The following SLC25A48 variants were observed in gnomAD, a reference collection of about 807,000 sequenced individuals.
SLC25A48 encodes solute carrier family 25 member 48.
In SLC25A48, 29 loss-of-function variants were observed where a neutral mutation model predicts 32.2. The ratio of observed to expected loss-of-function variants is 0.90; its 90% confidence interval spans 0.67 to 1.23. SLC25A48 has a LOEUF of 1.23. Among genes scored for constraint, SLC25A48 ranks in the 50% most tolerant of loss-of-function variants. The pLI is 0.00. For missense variants in SLC25A48, 399 were observed against 422.7 expected (o/e 0.94, Z 0.49); for synonymous variants, 164 against 172.3 (o/e 0.95, Z 0.38).
At chr5:135,701,054 T>G (rs1256022285) in intron 3 of SLC25A48, among the ~76,000 whole-genome samples, 4 of 152,202 alleles carry the variant, frequency 2.6e-5, no homozygotes, top group African/African-American at 4.8e-5. Flanking sequence ...CAGAGTGACC[T>G]GGGGACCTGC....
At chr5:135,700,937 A>C (rs1754380810) in intron 3 of SLC25A48, among the ~76,000 whole-genome samples, 1 of 152,186 alleles carries the variant, frequency 6.6e-6, no homozygotes, top group African/African-American at 2.4e-5. Flanking sequence ...TAAATCGCAG[A>C]GGGCCTGGGA....
At chr5:135,631,576 G>A (rs989787019) in intron 2 of SLC25A48, among the ~76,000 whole-genome samples, 1 of 152,198 alleles carries the variant, frequency 6.6e-6, no homozygotes, top group Non-Finnish European at 1.5e-5. Flanking sequence ...AAGCTCCAGG[G>A]TGACCCAACA....
At chr5:135,593,756 C>T (rs1340245633) in intron 1 of SLC25A48, among the ~76,000 whole-genome samples, 3 of 152,192 alleles carry the variant, frequency 2.0e-5, no homozygotes, top group African/African-American at 7.2e-5. Context: ...GAGATGTAAT[C>T]GATGGACCTT....
chr5:135,752,951 A>G (rs893986087), intron 3 of SLC25A48, among the ~76,000 whole-genome samples: 2 of 152,096 alleles, frequency 1.3e-5, no homozygotes, highest in African/African-American at 4.8e-5. Context: ...TCTCGAGGAT[A>G]TATTTTACAT....
intron 3 of SLC25A48, among the ~76,000 whole-genome samples, chr5:135,761,886 G>A (rs1260558383): frequency 6.6e-6 from 1 of 152,120 alleles, no homozygotes; most frequent in Admixed American, 6.5e-5. Context: ...CAAGGTTGAT[G>A]GGCCATTTTC....
intron 3 of SLC25A48, among the ~76,000 whole-genome samples, chr5:135,747,981 A>G (rs1755678793): frequency 1.3e-5 from 2 of 152,164 alleles, no homozygotes; most frequent in Admixed American, 6.5e-5. Context: ...GCACTTAGTA[A>G]CACATGGTCC....
At chr5:135,853,704 G>A (rs374895511) in intron 4 of SLC25A48, among the ~76,000 whole-genome samples, 2 of 152,158 alleles carry the variant, frequency 1.3e-5, no homozygotes, top group African/African-American at 4.8e-5. Flanking sequence ...TTATCTGTGA[G>A]GGTTGGGGTT....
chr5:135,753,928 G>A (rs1278764281), intron 3 of SLC25A48, among the ~76,000 whole-genome samples: 2 of 151,968 alleles, frequency 1.3e-5, no homozygotes, highest in South Asian at 2.1e-4. Flanking sequence ...GTACATGCCA[G>A]TTGTATACCC....
intron 3 of SLC25A48, among the ~76,000 whole-genome samples, chr5:135,689,432 C>T (rs1158917849): frequency 6.6e-6 from 1 of 152,190 alleles, no homozygotes; most frequent in Non-Finnish European, 1.5e-5. Flanking sequence ...CCAAGTGAGG[C>T]AGCACCGGCA....
In SLC25A48 at chr5:135,780,678, A is replaced by C. The variant is rs1420822670; in HGVS notation, c.-520-31845A>C. Among the ~76,000 whole-genome samples, 2 of 116,834 alleles carry C rather than the reference A, an allele frequency of 1.7e-5. 1 individual carries two copies. The highest frequency in any genetic ancestry group is 4.2e-5 in the Non-Finnish European group (2 of 47,408). 76.6% of individuals were successfully genotyped at this position (116,834 alleles called of 152,430 possible). ...TTATTCCCAATGTCATAAAGGGTAT[A>C]TATTCACTCGGTGTTATTTTTCCTT... On this transcript the variant is annotated intron_variant, in intron 3 of 10. Coordinates refer to the SLC25A48 transcript ENST00000646290.
chr5:135,706,452 C>A (rs912449993), intron 3 of SLC25A48, among the ~76,000 whole-genome samples: 2 of 152,104 alleles, frequency 1.3e-5, no homozygotes, highest in Non-Finnish European at 2.9e-5. Context: ...ACAATATTAC[C>A]CACCTCAAAG....
intron 3 of SLC25A48, among the ~76,000 whole-genome samples, chr5:135,654,745 T>C (rs1753202275): frequency 6.6e-6 from 1 of 152,224 alleles, no homozygotes; most frequent in South Asian, 2.1e-4. Context: ...TGGGTGGGCC[T>C]TGTCCAATCA....
intron 3 of SLC25A48, among the ~76,000 whole-genome samples, chr5:135,730,977 CCACAGGG>C (rs1755206963): frequency 6.6e-6 from 1 of 152,186 alleles, no homozygotes; most frequent in African/African-American, 2.4e-5. Context: ...TTCCAGTATG[CCACAGGG>C]CCTGCTGTGG....
In SLC25A48 at chr5:135,779,228, T is replaced by A. The variant is rs1440784952; in HGVS notation, c.-520-33295T>A. 4.0e-5 allele frequency among the ~76,000 whole-genome samples: 6 copies of A among 149,988 alleles called. No homozygotes were observed. In the East Asian group the frequency reaches 1.2e-3, roughly 29 times the overall value. ...ATATTGCATGGGGTGTGCACACCCC[T>A]GTGATATTGTTCCTGATATCTAAGG... On this transcript the variant is annotated intron_variant, in intron 3 of 10. Transcript: ENST00000646290.
intron 3 of SLC25A48, among the ~76,000 whole-genome samples, chr5:135,776,831 C>T (rs538056958): frequency 1.3e-4 from 20 of 151,846 alleles, no homozygotes; most frequent in African/African-American, 4.6e-4. Context: ...AATCATACTA[C>T]TCCCAATATC....
chr5:135,796,575 G>C (rs1440957993), intron 3 of SLC25A48, among the ~76,000 whole-genome samples: 2 of 151,384 alleles, frequency 1.3e-5, no homozygotes, highest in African/African-American at 2.4e-5. Flanking sequence ...ATATCCACAG[G>C]GGGAGAGGGT....
chr5:135,657,595 T>C (rs952963995), intron 3 of SLC25A48, among the ~76,000 whole-genome samples: 2 of 152,008 alleles, frequency 1.3e-5, no homozygotes, highest in Non-Finnish European at 2.9e-5. Context: ...GAGATGGGAG[T>C]CCCAAGTAAG....
chr5:135,769,180 A>G (rs1272094302), intron 3 of SLC25A48, among the ~76,000 whole-genome samples: 1 of 140,794 alleles, frequency 7.1e-6, no homozygotes, highest in African/African-American at 2.6e-5. Context: ...ATTGTTCATA[A>G]TATTTATGGG....
chr5:135,647,930 C>T (rs1753011132), intron 3 of SLC25A48, among the ~76,000 whole-genome samples: 1 of 152,018 alleles, frequency 6.6e-6, no homozygotes, highest in South Asian at 2.1e-4. Context: ...CTGCCTTGGG[C>T]CTGTGGTTGT....
Sources: gnomAD v4.1 joint callset for allele counts (sites outside exome capture counted in the v4.1 genomes callset) on GRCh38, gnomAD v4.1.1 for gene constraint, MANE v1.5 for transcripts, NCBI Gene and HGNC (gene_info 2026-07-23, HGNC 2026-07-21) for gene names.